Variants in NRXN1 observed in about 807,000 individuals in gnomAD.
The protein encoded by NRXN1 is neurexin-1.
In NRXN1, 39 loss-of-function variants were observed where a neutral mutation model predicts 150.9. That is an observed-to-expected ratio of 0.26 (90% confidence interval 0.20 to 0.34). The LOEUF is 0.34. Ranked by LOEUF, NRXN1 falls within the 10% of genes least tolerant of loss-of-function variation. The pLI is 1.00. For synonymous variants in NRXN1, 924 were observed against 757.0 expected (o/e 1.22, Z -3.62); for missense variants, 1,815 against 1,949.9 (o/e 0.93, Z 1.30).
intron 5 of NRXN1, among the ~76,000 whole-genome samples, chr2:50,869,827 A>C (rs2106089989): frequency 6.6e-6 from 1 of 151,960 alleles, no homozygotes; most frequent in South Asian, 2.1e-4. Flanking sequence ...GTTGATTTGA[A>C]ATTTCTAGTT....
chr2:50,796,781 G>GT (rs1706894503), intron 5 of NRXN1, among the ~76,000 whole-genome samples: 1 of 152,242 alleles, frequency 6.6e-6, no homozygotes, highest in South Asian at 2.1e-4. Flanking sequence ...GTGTTTATGA[G>GT]TTTTTTAGTA....
chr2:50,014,543 G>C lies in NRXN1; in HGVS notation c.4128+38728C>G, dbSNP rs117641519. Among the ~76,000 whole-genome samples the C allele has an allele frequency of 2.6e-5, 4 of 152,190 alleles. 1 individual carries two copies. In the East Asian group the frequency reaches 7.7e-4, roughly 29 times the overall value. On this transcript the variant is annotated intron_variant, in intron 21 of 22. Coordinates refer to ENST00000401669, the MANE Select transcript of NRXN1 (RefSeq NM_001330078.2). ...CACACAACCACAAGTTGTGACAATC[G>C]AAAGTGTCTCCAGACATTGCCAAAT...
At chr2:50,556,775 C>T (rs1027394756) in intron 8 of NRXN1, among the ~76,000 whole-genome samples, 14 of 152,000 alleles carry the variant, frequency 9.2e-5, no homozygotes, top group Admixed American at 7.2e-4. Context: ...AGAATAGGAG[C>T]TTAGTAGTCT....
At chr2:50,843,564 CTTCATTTCAT>C (rs1195650246) in intron 5 of NRXN1, among the ~76,000 whole-genome samples, 1 of 152,206 alleles carries the variant, frequency 6.6e-6, no homozygotes, top group African/African-American at 2.4e-5. Context: ...TTTCATTTCA[CTTCATTTCAT>C]TTCATTTCAT....
chr2:50,823,036 C>G (rs115658473), intron 5 of NRXN1, among the ~76,000 whole-genome samples: 5 of 152,140 alleles, frequency 3.3e-5, no homozygotes, highest in African/African-American at 4.8e-5. Context: ...TAACTATAGA[C>G]GTCAATAATC....
chr2:50,166,252 G>A (rs1052390540), intron 18 of NRXN1, among the ~76,000 whole-genome samples: 14 of 150,582 alleles, frequency 9.3e-5, no homozygotes, highest in Admixed American at 6.6e-4. Flanking sequence ...TCTGGTCCTA[G>A]GCATTTTGGA....
chr2:50,874,016 T>C (rs1678194475), intron 5 of NRXN1, among the ~76,000 whole-genome samples: 1 of 151,918 alleles, frequency 6.6e-6, no homozygotes, highest in Non-Finnish European at 1.5e-5. Flanking sequence ...GGGCAACCAA[T>C]TTGCCTCATA....
intron 12 of NRXN1, among the ~76,000 whole-genome samples, chr2:50,528,262 A>C (rs1394137536): frequency 6.6e-6 from 1 of 151,804 alleles, no homozygotes; most frequent in East Asian, 1.9e-4. Flanking sequence ...TATTTGAGTT[A>C]AAAGATAAAG....
At chr2:50,377,950 G>A (rs2080649782) in intron 17 of NRXN1, among the ~76,000 whole-genome samples, 1 of 152,080 alleles carries the variant, frequency 6.6e-6, no homozygotes, top group Admixed American at 6.6e-5. Context: ...CAGTAATCAG[G>A]ACTTTTTAAA....
At position 50,449,186 on chromosome 2, in the gene NRXN1, T is replaced by A. The variant is rs190028573; in HGVS notation, c.3364+16256A>T. Among the ~76,000 whole-genome samples, 10 of 152,326 alleles carry A rather than the reference T, an allele frequency of 6.6e-5. No individual in the cohort carries two copies. The East Asian group carries it at 1.9e-3, about 29-fold the overall frequency. On this transcript the variant is annotated intron_variant, in intron 17 of 22. Transcript: ENST00000401669. ...GGAATGCAGGAATTGTCTTCACTTGTATAAAACTGTTGCCTTGGCATGCAT... is the reference window on the plus strand; with the variant it reads ...GGAATGCAGGAATTGTCTTCACTTGAATAAAACTGTTGCCTTGGCATGCAT...
At chr2:50,246,486 G>C (rs7578756) in intron 17 of NRXN1, among the ~76,000 whole-genome samples, 86,645 of 151,812 alleles carry the variant, frequency 0.57, 25,247 homozygotes, top group African/African-American at 0.67. Context: ...ATTTCCTAAT[G>C]TTAGTTCTAC....
At chr2:50,669,575 A>C (rs1688547316) in intron 5 of NRXN1, among the ~76,000 whole-genome samples, 1 of 151,972 alleles carries the variant, frequency 6.6e-6, no homozygotes, top group South Asian at 2.1e-4. Context: ...GTTTCAAAAC[A>C]AATTATTTTG....
At chr2:50,521,199 A>G (rs2092779223) in intron 12 of NRXN1, among the ~76,000 whole-genome samples, 1 of 152,326 alleles carries the variant, frequency 6.6e-6, no homozygotes, top group Middle Eastern at 3.4e-3. Flanking sequence ...TTGTTAACTC[A>G]TATCTTAAAT....
intron 2 of NRXN1, among the ~76,000 whole-genome samples, chr2:51,002,315 TTTA>T (rs1428863977): frequency 6.6e-6 from 1 of 151,976 alleles, no homozygotes; most frequent in Non-Finnish European, 1.5e-5. Context: ...TAAAAACTAC[TTTA>T]TGACACAACC....
At chr2:50,174,686 T>A (rs2060242860) in intron 18 of NRXN1, 1 of 152,176 alleles carries the variant, frequency 6.6e-6, no homozygotes, top group Non-Finnish European at 1.5e-5. Flanking sequence ...ATAAAACAGA[T>A]AATAGTATTA....
intron 5 of NRXN1, among the ~76,000 whole-genome samples, chr2:50,820,124 G>A (rs576083013): frequency 6.6e-6 from 1 of 150,474 alleles, no homozygotes; most frequent in African/African-American, 2.4e-5. Flanking sequence ...CCTGGGGATG[G>A]GGATATGAAA....
chr2:50,400,875 A>G (rs1176808434), intron 17 of NRXN1, among the ~76,000 whole-genome samples: 1 of 152,174 alleles, frequency 6.6e-6, no homozygotes, highest in Non-Finnish European at 1.5e-5. Flanking sequence ...ATCAAAGGGC[A>G]TGTTGTGATG....
chr2:50,280,685 T>G (rs965717640), intron 17 of NRXN1, among the ~76,000 whole-genome samples: 1 of 152,148 alleles, frequency 6.6e-6, no homozygotes, highest in African/African-American at 2.4e-5. Context: ...TAACATTAAA[T>G]CAGAGAAAAT....
chr2:50,671,898 G>T (rs1688906396), intron 5 of NRXN1, among the ~76,000 whole-genome samples: 1 of 151,954 alleles, frequency 6.6e-6, no homozygotes, highest in Middle Eastern at 3.4e-3. Context: ...AAAGAAAATA[G>T]AATGAGCTTA....
Sources: allele counts gnomAD v4.1 joint callset (sites outside exome capture counted in the v4.1 genomes callset), GRCh38; gene constraint gnomAD v4.1.1; transcripts MANE v1.5; gene names NCBI Gene and HGNC (gene_info 2026-07-23, HGNC 2026-07-21).